RNF6: variants seen among roughly 807,000 people sequenced by gnomAD.
The protein encoded by RNF6 is E3 ubiquitin-protein ligase RNF6.
Under a neutral mutation model 50.1 loss-of-function variants are expected in RNF6, and 21 were observed. That is an observed-to-expected ratio of 0.42 (90% confidence interval 0.30 to 0.60). The LOEUF is 0.60. RNF6 is among the 20% of genes least tolerant of loss of function. RNF6 has a pLI of 0.20. For missense variants in RNF6, 698 were observed against 838.2 expected (o/e 0.83, Z 2.07); for synonymous variants, 255 against 291.8 (o/e 0.87, Z 1.29).
intron 5 of RNF6, among the ~76,000 whole-genome samples, chr13:26,184,258 C>G (rs766996965): frequency 6.6e-6 from 1 of 151,836 alleles, no homozygotes; most frequent in Non-Finnish European, 1.5e-5. Flanking sequence ...GTCTCGATCT[C>G]CTGACCTCGT....
At chr13:26,182,496 G>A (rs1873289740) in intron 5 of RNF6, among the ~76,000 whole-genome samples, 1 of 152,146 alleles carries the variant, frequency 6.6e-6, no homozygotes, top group Non-Finnish European at 1.5e-5. Context: ...CATTGTAAAT[G>A]GTATTTTTCC....
At chr13:26,132,412 C>T in exon 6 of RNF6, 1 of 459,392 alleles carries the variant, frequency 2.2e-6, no homozygotes, top group Non-Finnish European at 4.4e-6. Flanking sequence ...GACTTAACAA[C>T]TGGTTTTCTG....
At chr13:26,169,203 C>T (rs1403280457) in intron 5 of RNF6, among the ~76,000 whole-genome samples, 7 of 152,092 alleles carry the variant, frequency 4.6e-5, no homozygotes, top group Non-Finnish European at 1.0e-4. Context: ...TGCACCCCAT[C>T]CCCTCCCTGC....
At chr13:26,179,351 A>T (rs1593170172) in intron 5 of RNF6, among the ~76,000 whole-genome samples, 1 of 152,210 alleles carries the variant, frequency 6.6e-6, no homozygotes, top group East Asian at 1.9e-4. Flanking sequence ...ATGGCAAGCC[A>T]GTCTCCCAAG....
intron 5 of RNF6, among the ~76,000 whole-genome samples, chr13:26,172,505 A>T (rs1203162247): frequency 2.0e-5 from 3 of 152,170 alleles, no homozygotes; most frequent in Non-Finnish European, 4.4e-5. Context: ...TAAAACAGCA[A>T]GATAAATTTT....
chr13:26,175,162 C>A (rs1390094616), intron 5 of RNF6, among the ~76,000 whole-genome samples: 3 of 152,104 alleles, frequency 2.0e-5, no homozygotes, highest in African/African-American at 7.2e-5. Context: ...CTCACTGCAA[C>A]CTCCACCTCC....
intron 5 of RNF6, among the ~76,000 whole-genome samples, chr13:26,146,154 G>C (rs1220783700): frequency 1.3e-5 from 2 of 152,194 alleles, no homozygotes; most frequent in African/African-American, 4.8e-5. Context: ...TGATTAAAAG[G>C]CTATAGATCC....
intron 5 of RNF6, among the ~76,000 whole-genome samples, chr13:26,185,628 C>T (rs1281400421): frequency 2.0e-5 from 3 of 152,122 alleles, no homozygotes; most frequent in Non-Finnish European, 4.4e-5. Flanking sequence ...CGCCTGTTAT[C>T]ACAGCTACTT....
At chr13:26,187,642 A>G (rs1264293892) in intron 5 of RNF6, among the ~76,000 whole-genome samples, 1 of 152,214 alleles carries the variant, frequency 6.6e-6, no homozygotes, top group Non-Finnish European at 1.5e-5. Context: ...CTTATTGCCA[A>G]TCAGTGGCAA....
In RNF6 at chr13:26,213,815, C is replaced by T; in HGVS notation, c.*9G>A. The T allele has an allele frequency of 6.3e-7, 1 of 1,587,362 alleles. No homozygotes were observed. Among genetic ancestry groups the T allele is most frequent in the Non-Finnish European group, 8.6e-7 (1 of 1,164,632 alleles). On this transcript the variant is annotated 3_prime_UTR_variant, in exon 5 of 5. Transcript: ENST00000381588. Reference sequence around the variant, plus strand: ...ACTAAAAAACAGTATTTGAGTAGATCCCATCACCTTACCCATTGTTTGCTA... The same window carrying T: ...ACTAAAAAACAGTATTTGAGTAGATTCCATCACCTTACCCATTGTTTGCTA...
At chr13:26,149,335 C>A (rs968800651) in intron 5 of RNF6, 1 of 152,164 alleles carries the variant, frequency 6.6e-6, no homozygotes, top group Admixed American at 6.5e-5. Context: ...CGCCTGTAAT[C>A]CCAACATTTT....
At chr13:26,201,941 T>G (rs1171231165) in intron 5 of RNF6, among the ~76,000 whole-genome samples, 1 of 152,132 alleles carries the variant, frequency 6.6e-6, no homozygotes, top group Non-Finnish European at 1.5e-5. Flanking sequence ...TAACTTCTTA[T>G]TCATTATGGG....
intron 5 of RNF6, among the ~76,000 whole-genome samples, chr13:26,148,223 T>C (rs904890762): frequency 1.3e-5 from 2 of 151,996 alleles, no homozygotes; most frequent in African/African-American, 2.4e-5. Context: ...GAGAAGAGCA[T>C]GGGGGAAACT....
chr13:26,146,459 G>A (rs1871249777), intron 5 of RNF6, among the ~76,000 whole-genome samples: 1 of 152,256 alleles, frequency 6.6e-6, no homozygotes, highest in Admixed American at 6.5e-5. Flanking sequence ...CTGGCCTACA[G>A]AGAAGAGTGA....
intron 5 of RNF6, among the ~76,000 whole-genome samples, chr13:26,183,884 GTT>G (rs67656503): frequency 0.032 from 2,755 of 85,964 alleles, 105 homozygotes; most frequent in African/African-American, 0.11. Flanking sequence ...TAAAATATAG[GTT>G]TTTTTATACT....
chr13:26,162,281 C>A (rs1469474902), intron 5 of RNF6, among the ~76,000 whole-genome samples: 1 of 152,198 alleles, frequency 6.6e-6, no homozygotes, highest in Non-Finnish European at 1.5e-5. Flanking sequence ...CCACTGGAAT[C>A]ATTCAAACTA....
chr13:26,203,173 T>C (rs1868960799), intron 5 of RNF6, among the ~76,000 whole-genome samples: 7 of 152,208 alleles, frequency 4.6e-5, no homozygotes, highest in Admixed American at 3.3e-4. Context: ...GAGAGCATCC[T>C]GTTCATACTG....
intron 5 of RNF6, among the ~76,000 whole-genome samples, chr13:26,146,724 C>G (rs1871266766): frequency 6.6e-6 from 1 of 152,170 alleles, no homozygotes. Flanking sequence ...GTAGCTAGAA[C>G]CCTTTATGAC....
chr13:26,220,010 C>T (rs904716323), intron 2 of RNF6, among the ~76,000 whole-genome samples: 1 of 152,182 alleles, frequency 6.6e-6, no homozygotes, highest in East Asian at 1.9e-4. Flanking sequence ...GTTTCAGGAT[C>T]TGGGTACTTC....
Sources: allele counts gnomAD v4.1 joint callset (sites outside exome capture counted in the v4.1 genomes callset), GRCh38; gene constraint gnomAD v4.1.1; transcripts MANE v1.5; gene names NCBI Gene and HGNC (gene_info 2026-07-23, HGNC 2026-07-21).